LRRTM4: variants seen among roughly 807,000 people sequenced by gnomAD.
LRRTM4 encodes the protein leucine-rich repeat transmembrane neuronal protein 4.
A neutral mutation model predicts 47.6 loss-of-function variants in LRRTM4; 25 were observed. The ratio of observed to expected loss-of-function variants is 0.53; its 90% CI spans 0.38 to 0.73. The LOEUF is 0.73. Ranked by LOEUF, LRRTM4 falls within the 30% of genes least tolerant of loss-of-function variation. LRRTM4 has a pLI of 0.00. For synonymous variants in LRRTM4, 311 were observed against 269.5 expected (o/e 1.15, Z -1.51); for missense variants, 638 against 713.4 (o/e 0.89, Z 1.20).
intron 3 of LRRTM4, among the ~76,000 whole-genome samples, chr2:76,762,458 T>C (rs1225151354): frequency 6.6e-6 from 1 of 152,188 alleles, no homozygotes; most frequent in Non-Finnish European, 1.5e-5. Context: ...TCTGATTTCA[T>C]TACTAACTAC....
intron 3 of LRRTM4, among the ~76,000 whole-genome samples, chr2:77,507,325 C>A (rs867943685): frequency 6.6e-6 from 1 of 152,004 alleles, no homozygotes; most frequent in Non-Finnish European, 1.5e-5. Context: ...TAGTAAAAAA[C>A]TCAGTGAGAA....
intron 3 of LRRTM4, among the ~76,000 whole-genome samples, chr2:77,341,284 T>G (rs1671363453): frequency 6.6e-6 from 1 of 151,982 alleles, no homozygotes; most frequent in Non-Finnish European, 1.5e-5. Context: ...GCTTTTTGTG[T>G]TGCTCAGTAC....
At chr2:77,388,750 G>C (rs939771064) in intron 3 of LRRTM4, among the ~76,000 whole-genome samples, 1 of 151,832 alleles carries the variant, frequency 6.6e-6, no homozygotes, top group African/African-American at 2.4e-5. Context: ...TGGTGAATCT[G>C]TTTTATGCCA....
chr2:77,002,658 C>A (rs930288138), intron 3 of LRRTM4, among the ~76,000 whole-genome samples: 1 of 152,100 alleles, frequency 6.6e-6, no homozygotes, highest in African/African-American at 2.4e-5. Flanking sequence ...CTCCACAGTG[C>A]CGTTTTTGAT....
intron 3 of LRRTM4, among the ~76,000 whole-genome samples, chr2:77,514,645 C>T (rs1225382630): frequency 6.6e-6 from 1 of 151,972 alleles, no homozygotes; most frequent in Non-Finnish European, 1.5e-5. Flanking sequence ...ATTTCAATTA[C>T]TTAACTATTG....
intron 3 of LRRTM4, among the ~76,000 whole-genome samples, chr2:76,929,065 T>C (rs570861209): frequency 1.3e-5 from 2 of 152,248 alleles, no homozygotes; most frequent in South Asian, 4.1e-4. Context: ...GGAGTTATCT[T>C]ACTACAACAT....
intron 3 of LRRTM4, among the ~76,000 whole-genome samples, chr2:77,448,811 AAAGTT>A (rs1218318034): frequency 6.6e-6 from 1 of 152,178 alleles, no homozygotes; most frequent in African/African-American, 2.4e-5. Flanking sequence ...TGTACCTAAC[AAAGTT>A]AAGAATGCAT....
intron 3 of LRRTM4, among the ~76,000 whole-genome samples, chr2:77,256,150 C>T (rs13414522): frequency 0.12 from 18,671 of 151,878 alleles, 3,841 homozygotes; most frequent in African/African-American, 0.42. Context: ...CAAACAATTC[C>T]ACAAAAATTA....
intron 3 of LRRTM4, among the ~76,000 whole-genome samples, chr2:77,021,284 T>C (rs961222527): frequency 2.0e-5 from 3 of 151,894 alleles, no homozygotes; most frequent in African/African-American, 7.3e-5. Flanking sequence ...TTGTAAGATG[T>C]TGGGGGTGCA....
chr2:77,414,812 G>A (rs1013449918), intron 3 of LRRTM4, among the ~76,000 whole-genome samples: 2 of 150,622 alleles, frequency 1.3e-5, no homozygotes, highest in African/African-American at 2.4e-5. Context: ...ATCTTCCCTC[G>A]CACACAATAG....
At chr2:76,974,538 T>C (rs1676353382) in intron 3 of LRRTM4, among the ~76,000 whole-genome samples, 1 of 151,254 alleles carries the variant, frequency 6.6e-6, no homozygotes, top group Non-Finnish European at 1.5e-5. Flanking sequence ...ATATAGTGTA[T>C]ATGTGTCACA....
chr2:76,984,655 A>T (rs944047296), intron 3 of LRRTM4, among the ~76,000 whole-genome samples: 6 of 151,978 alleles, frequency 3.9e-5, no homozygotes, highest in African/African-American at 1.2e-4. Context: ...ACACATTAAG[A>T]TTGGAAGATC....
chr2:77,220,669 G>T (rs1241008792), intron 3 of LRRTM4, among the ~76,000 whole-genome samples: 1 of 152,148 alleles, frequency 6.6e-6, no homozygotes, highest in East Asian at 1.9e-4. Context: ...AGAATAAAAA[G>T]AAATCAACAA....
intron 3 of LRRTM4, among the ~76,000 whole-genome samples, chr2:77,011,886 A>G (rs1334751540): frequency 6.6e-6 from 1 of 152,006 alleles, no homozygotes; most frequent in African/African-American, 2.4e-5. Context: ...GCTCTTAACC[A>G]TTCACGTGGT....
chr2:77,032,465 C>G (rs2104143993), intron 3 of LRRTM4, among the ~76,000 whole-genome samples: 1 of 151,858 alleles, frequency 6.6e-6, no homozygotes, highest in South Asian at 2.1e-4. Flanking sequence ...ATGACAATAC[C>G]AAGTTAGTTT....
chr2:77,073,717 A>G (rs991154877), intron 3 of LRRTM4, among the ~76,000 whole-genome samples: 2 of 152,090 alleles, frequency 1.3e-5, no homozygotes, highest in African/African-American at 4.8e-5. Context: ...CATGTTGCAG[A>G]AAACTCTCAT....
At chr2:77,090,628 A>T (rs1341574277) in intron 3 of LRRTM4, among the ~76,000 whole-genome samples, 1 of 151,590 alleles carries the variant, frequency 6.6e-6, no homozygotes, top group Non-Finnish European at 1.5e-5. Flanking sequence ...TTCCTCCAGA[A>T]CCTCCTCCCC....
At chr2:76,854,812 CT>C (rs66549743) in intron 3 of LRRTM4, among the ~76,000 whole-genome samples, 303 of 143,862 alleles carry the variant, frequency 2.1e-3, no homozygotes, top group Non-Finnish European at 2.3e-3. Flanking sequence ...AAAGAAAATC[CT>C]TTTTTTTTTT....
At chr2:77,011,115 A>G (rs1049250345) in intron 3 of LRRTM4, among the ~76,000 whole-genome samples, 5 of 152,166 alleles carry the variant, frequency 3.3e-5, no homozygotes, top group African/African-American at 1.2e-4. Context: ...TATGAGGCAC[A>G]AGTATAATTT....
Sources: allele counts gnomAD v4.1 joint callset (sites outside exome capture counted in the v4.1 genomes callset), GRCh38; gene constraint gnomAD v4.1.1; transcripts MANE v1.5; gene names NCBI Gene and HGNC (gene_info 2026-07-23, HGNC 2026-07-21).